RGSL1: variants seen among roughly 807,000 people sequenced by gnomAD.
RGSL1 encodes regulator of G protein signaling protein-like.
RGSL1 carries 97 observed loss-of-function variants against 124.7 expected under a neutral mutation model. That is an observed-to-expected ratio of 0.78 (90% confidence interval 0.66 to 0.92). The LOEUF (loss-of-function observed/expected upper bound fraction) is 0.92. RGSL1 is among the 40% of genes least tolerant of loss of function. RGSL1 has a pLI of 0.00. For synonymous variants in RGSL1, 424 were observed against 438.1 expected (o/e 0.97, Z 0.40); for missense variants, 1,233 against 1,288.4 (o/e 0.96, Z 0.66).
chr1:182,462,190 C>T (rs1468644220), intron 4 of RGSL1, among the ~76,000 whole-genome samples: 1 of 152,072 alleles, frequency 6.6e-6, no homozygotes, highest in Non-Finnish European at 1.5e-5. Context: ...ACTGTGGAGT[C>T]CAGCAGGCAG....
At chr1:182,527,494 A>G (rs752357799) in intron 10 of RGSL1, 85 bp from the exon 11 acceptor site, 3 of 1,156,016 alleles carry the variant, frequency 2.6e-6, no homozygotes, top group Admixed American at 5.1e-5. Flanking sequence ...TAGCCTGGTC[A>G]ATGCACTTCC....
At chr1:182,515,605 T>G (rs1657819843) in intron 9 of RGSL1, among the ~76,000 whole-genome samples, 2 of 148,872 alleles carry the variant, frequency 1.3e-5, no homozygotes, top group Admixed American at 1.3e-4. Context: ...TTTGAGCAAA[T>G]GGGTTCCTTT....
chr1:182,519,874 T>A (rs554632), intron 9 of RGSL1, among the ~76,000 whole-genome samples: 23 of 151,664 alleles, frequency 1.5e-4, no homozygotes, highest in East Asian at 3.9e-4. Context: ...CTTTTCTTAC[T>A]TATAATCATT....
At chr1:182,541,293 T>C (rs1659877476) in intron 15 of RGSL1, among the ~76,000 whole-genome samples, 1 of 152,172 alleles carries the variant, frequency 6.6e-6, no homozygotes, top group Middle Eastern at 3.2e-3. Context: ...TCCACTTTTT[T>C]AGCTCCCACA....
chr1:182,527,638 A>G lies in RGSL1; in HGVS notation c.1991A>G (p.Lys664Arg). Reference protein sequence around the residue: ...QHLEFFREFLKERKAKIPLQF... With the variant: ...QHLEFFREFLRERKAKIPLQF... ...TTGGAGTTCTTCAGGGAGTTCCTCA[A>G]GGAACGGAAGGCTAAAATCCCATTG... Residue 664 changes from lysine (K) to arginine (R), a missense_variant, in exon 11 of 22, where the codon AAG (lysine) becomes AGG (arginine). By Grantham distance (26) the Lys-to-Arg change is conservative. Transcript: ENST00000294854. 6.4e-7 allele frequency: 1 copy of G among 1,551,800 alleles called. No homozygotes were observed. The highest frequency in any genetic ancestry group is 8.7e-7 in the Non-Finnish European group (1 of 1,146,902).
At chr1:182,550,881 C>T (rs1660517504) in intron 17 of RGSL1, 2 of 540,248 alleles carry the variant, frequency 3.7e-6, no homozygotes, top group Non-Finnish European at 6.5e-6. Flanking sequence ...CAACAAACTG[C>T]CCATGCCAGG....
At chr1:182,471,352 G>A in intron 4 of RGSL1, 1 of 457,562 alleles carries the variant, frequency 2.2e-6, no homozygotes, top group South Asian at 1.5e-5. Context: ...TCAGAGGGAT[G>A]TGGCGCTTCT....
chr1:182,496,865 C>T (rs28871670), intron 9 of RGSL1, among the ~76,000 whole-genome samples: 19 of 138,748 alleles, frequency 1.4e-4, no homozygotes, highest in African/African-American at 4.4e-4. Context: ...CAAATATGCA[C>T]CAGATCACAC....
chr1:182,479,312 GA>G (rs1010401596), intron 6 of RGSL1, among the ~76,000 whole-genome samples: 27 of 152,100 alleles, frequency 1.8e-4, no homozygotes, highest in Non-Finnish European at 3.5e-4. Context: ...ACACAATATA[GA>G]AAAAATAAAA....
chr1:182,524,102 G>A (rs571187991), intron 10 of RGSL1, among the ~76,000 whole-genome samples: 19 of 152,184 alleles, frequency 1.2e-4, no homozygotes, highest in South Asian at 2.1e-4. Flanking sequence ...GAGTGCATGC[G>A]GTGAAGGGAC....
intron 21 of RGSL1, among the ~76,000 whole-genome samples, chr1:182,557,657 T>G (rs1660937552): frequency 6.6e-6 from 1 of 152,216 alleles, no homozygotes; most frequent in Admixed American, 6.5e-5. Flanking sequence ...CTTAATTATC[T>G]TTCTCTCCAC....
chr1:182,554,308 C>A (rs1442560001), intron 19 of RGSL1, among the ~76,000 whole-genome samples: 2 of 152,212 alleles, frequency 1.3e-5, no homozygotes, highest in Non-Finnish European at 2.9e-5. Context: ...AGGCTCCAAA[C>A]AGCCCTAAAG....
At chr1:182,505,029 T>C (rs970384374) in intron 9 of RGSL1, among the ~76,000 whole-genome samples, 2 of 152,200 alleles carry the variant, frequency 1.3e-5, no homozygotes, top group African/African-American at 4.8e-5. Context: ...TGAAAACCCT[T>C]ATTACCCCAT....
chr1:182,449,997 G>T (rs1651686366), upstream of RGSL1: 1 of 723,968 alleles, frequency 1.4e-6, no homozygotes, highest in East Asian at 2.7e-5. Flanking sequence ...GTAAGATAAA[G>T]ACTTATCTTC....
intron 8 of RGSL1, among the ~76,000 whole-genome samples, chr1:182,492,022 G>GA (rs1304668184): frequency 1.3e-5 from 2 of 151,716 alleles, no homozygotes; most frequent in East Asian, 1.9e-4. Context: ...GCTCTTTCTA[G>GA]AAAAAAAATC....
chr1:182,449,990 A>C (rs761930397), upstream of RGSL1: 1 of 689,708 alleles, frequency 1.4e-6, no homozygotes, highest in Non-Finnish European at 2.5e-6. Context: ...AGATTAGGTA[A>C]GATAAAGACT....
intron 9 of RGSL1, among the ~76,000 whole-genome samples, chr1:182,500,096 G>A (rs1483837750): frequency 6.6e-6 from 1 of 152,170 alleles, no homozygotes; most frequent in African/African-American, 2.4e-5. Flanking sequence ...CAAATCCGTG[G>A]TCTTGAAGGT....
intron 9 of RGSL1, among the ~76,000 whole-genome samples, chr1:182,510,252 A>G (rs1571611741): frequency 8.4e-5 from 3 of 35,588 alleles, no homozygotes; most frequent in South Asian, 6.1e-4. Context: ...CCAGGCAGAG[A>G]CACTCCTCAC....
chr1:182,492,363 G>T (rs1655592430), intron 8 of RGSL1, among the ~76,000 whole-genome samples: 1 of 152,126 alleles, frequency 6.6e-6, no homozygotes, highest in Non-Finnish European at 1.5e-5. Context: ...TCAACAGATG[G>T]ATGCTTTGAA....
Sources: allele counts gnomAD v4.1 joint callset (sites outside exome capture counted in the v4.1 genomes callset), GRCh38; gene constraint gnomAD v4.1.1; transcripts MANE v1.5; gene names NCBI Gene and HGNC (gene_info 2026-07-23, HGNC 2026-07-21).